Variants in ITFG1 observed in about 807,000 individuals in gnomAD.
ITFG1 encodes the protein integrin alpha FG-GAP repeat containing 1.
A neutral mutation model predicts 81.8 loss-of-function variants in ITFG1; 34 were observed. That is an observed-to-expected ratio of 0.42 (90% CI 0.32 to 0.55). The LOEUF (loss-of-function observed/expected upper bound fraction) is 0.55, where lower values mean the gene tolerates loss of function less well. Ranked by LOEUF, ITFG1 falls within the 20% of genes least tolerant of loss-of-function variation. The pLI is 0.17. For missense variants in ITFG1, 672 were observed against 755.4 expected (o/e 0.89, Z 1.29); for synonymous variants, 285 against 270.6 (o/e 1.05, Z -0.52).
intron 14 of ITFG1, among the ~76,000 whole-genome samples, chr16:47,187,918 A>G (rs1006178374): frequency 3.9e-5 from 6 of 152,010 alleles, no homozygotes; most frequent in Non-Finnish European, 8.8e-5. Flanking sequence ...ATTTACAAGA[A>G]AAAAACAAAC....
chr16:47,348,924 G>T (rs1264650621), intron 8 of ITFG1, among the ~76,000 whole-genome samples: 3 of 152,280 alleles, frequency 2.0e-5, no homozygotes, highest in East Asian at 1.9e-4. Flanking sequence ...TTAAAGAAAA[G>T]AATTTTTAAC....
At chr16:47,357,900 CA>C (rs1009489474) in intron 8 of ITFG1, among the ~76,000 whole-genome samples, 12 of 151,940 alleles carry the variant, frequency 7.9e-5, no homozygotes, top group Non-Finnish European at 1.8e-4. Context: ...TTATGATTTC[CA>C]ATCAAAAAGC....
chr16:47,189,780 G>C (rs1965270394), intron 14 of ITFG1, among the ~76,000 whole-genome samples: 1 of 152,178 alleles, frequency 6.6e-6, no homozygotes, highest in Non-Finnish European at 1.5e-5. Flanking sequence ...TGAGTAGTTT[G>C]ATTTTGTTAA....
At chr16:47,221,226 C>T (rs1486431118) in intron 13 of ITFG1, among the ~76,000 whole-genome samples, 1 of 152,090 alleles carries the variant, frequency 6.6e-6, no homozygotes, top group Non-Finnish European at 1.5e-5. Context: ...GAACAAGCTC[C>T]ATCACTGTAA....
At chr16:47,357,263 T>A (rs1968051779) in intron 8 of ITFG1, among the ~76,000 whole-genome samples, 1 of 152,126 alleles carries the variant, frequency 6.6e-6, no homozygotes, top group South Asian at 2.1e-4. Flanking sequence ...TTTTTAAGTA[T>A]GCTAAATTTA....
intron 14 of ITFG1, among the ~76,000 whole-genome samples, chr16:47,163,996 T>C (rs1302078320): frequency 1.3e-5 from 2 of 151,968 alleles, no homozygotes; most frequent in East Asian, 1.9e-4. Context: ...TCTGGCCCTG[T>C]AGGCACATTT....
intron 14 of ITFG1, among the ~76,000 whole-genome samples, chr16:47,195,140 A>C (rs1283170122): frequency 6.6e-6 from 1 of 151,322 alleles, no homozygotes; most frequent in Non-Finnish European, 1.5e-5. Flanking sequence ...GTTTCTTTTT[A>C]TTTTATTTTT....
intron 5 of ITFG1, among the ~76,000 whole-genome samples, chr16:47,435,882 A>AAT (rs1969159818): frequency 1.3e-5 from 2 of 152,198 alleles, no homozygotes; most frequent in South Asian, 4.1e-4. Context: ...GCTGCAAAAT[A>AAT]GGTAATATTT....
In ITFG1 at chr16:47,427,562, G is replaced by T. The variant is rs1337874496; in HGVS notation, c.655+1242C>A. 2.6e-5 allele frequency among the ~76,000 whole-genome samples: 4 copies of T among 152,166 alleles called. No homozygotes were observed. In the East Asian group the frequency reaches 7.7e-4, roughly 29 times the overall value. On this transcript the variant is annotated intron_variant, in intron 6 of 17. Coordinates refer to ENST00000320640, the MANE Select transcript of ITFG1 (RefSeq NM_030790.5). Reference sequence around the variant, plus strand: ...AGTCCCAGCTACTTGGGAGGCGGAGGTTGCAGTGGGCAGAGATCGCACCAC... The same window carrying T: ...AGTCCCAGCTACTTGGGAGGCGGAGTTTGCAGTGGGCAGAGATCGCACCAC...
At chr16:47,206,266 C>T (rs1424408202) in intron 14 of ITFG1, among the ~76,000 whole-genome samples, 3 of 152,318 alleles carry the variant, frequency 2.0e-5, no homozygotes, top group Admixed American at 2.0e-4. Flanking sequence ...GATTACCTCC[C>T]CCATCCCCAT....
intron 13 of ITFG1, among the ~76,000 whole-genome samples, chr16:47,220,194 A>C: frequency 6.6e-6 from 1 of 152,218 alleles, no homozygotes; most frequent in East Asian, 1.9e-4. Flanking sequence ...AGAAATCCTG[A>C]TCCAGTTCCT....
At chr16:47,299,101 T>C (rs1421635300) in intron 10 of ITFG1, among the ~76,000 whole-genome samples, 1 of 152,158 alleles carries the variant, frequency 6.6e-6, no homozygotes, top group Non-Finnish European at 1.5e-5. Flanking sequence ...ACCAGCACCA[T>C]GGCTTTGACA....
intron 6 of ITFG1, among the ~76,000 whole-genome samples, chr16:47,391,871 G>C (rs2151596064): frequency 1.3e-5 from 2 of 152,218 alleles, no homozygotes; most frequent in South Asian, 4.1e-4. Flanking sequence ...GGACATATAT[G>C]CATAGACATA....
intron 8 of ITFG1, among the ~76,000 whole-genome samples, chr16:47,327,945 C>G (rs558370745): frequency 6.6e-6 from 1 of 152,242 alleles, no homozygotes; most frequent in East Asian, 1.9e-4. Flanking sequence ...ACTAGAAATA[C>G]CATTTGACCC....
intron 8 of ITFG1, among the ~76,000 whole-genome samples, chr16:47,342,693 G>A (rs531501740): frequency 6.6e-6 from 1 of 152,178 alleles, no homozygotes; most frequent in African/African-American, 2.4e-5. Context: ...GAAAAAATCA[G>A]TTGTGTTTCT....
chr16:47,186,221 A>G (rs908606031), intron 14 of ITFG1, among the ~76,000 whole-genome samples: 1 of 152,222 alleles, frequency 6.6e-6, no homozygotes, highest in Non-Finnish European at 1.5e-5. Context: ...AAGTATTCCA[A>G]TCAACAGAAA....
intron 6 of ITFG1, among the ~76,000 whole-genome samples, chr16:47,397,113 GA>G (rs1968603596): frequency 6.6e-6 from 1 of 152,204 alleles, no homozygotes; most frequent in Non-Finnish European, 1.5e-5. Context: ...GAAATAATTT[GA>G]AAGTGGTACT....
In ITFG1 at chr16:47,311,342, TGTTCATCCACAAATG is replaced by T; in HGVS notation, c.953_967del (p.Pro318_Glu322del). Reference sequence around the variant, plus strand: ...TGGAATTGGTATTTCAGTTGGTTGCTGTTCATCCACAAATGGCACAAAGCCCCAGAGTGTGCCCTT... The same window carrying T: ...TGGAATTGGTATTTCAGTTGGTTGCTGCACAAAGCCCCAGAGTGTGCCCTT... On this transcript the variant is annotated inframe_deletion, in exon 10 of 18. Transcript: ENST00000320640. 6 of 1,613,896 alleles carry T rather than the reference TGTTCATCCACAAATG, an allele frequency of 3.7e-6. No homozygotes were observed. Among genetic ancestry groups the T allele is most frequent in the Middle Eastern group, 1.7e-4 (1 of 6,058 alleles).
At chr16:47,310,886 T>A (rs1159649699) in intron 10 of ITFG1, among the ~76,000 whole-genome samples, 2 of 152,186 alleles carry the variant, frequency 1.3e-5, no homozygotes, top group South Asian at 2.1e-4. Context: ...GATCAAAGCC[T>A]AGAGTCAGTT....
Sources: allele counts gnomAD v4.1 joint callset (sites outside exome capture counted in the v4.1 genomes callset), GRCh38; gene constraint gnomAD v4.1.1; transcripts MANE v1.5; gene names NCBI Gene and HGNC (gene_info 2026-07-23, HGNC 2026-07-21).